The following SPOCK3 variants were observed in gnomAD, a reference collection of about 807,000 sequenced individuals.
SPOCK3 encodes the protein testican-3.
A neutral mutation model predicts 56.6 loss-of-function variants in SPOCK3; 30 were observed. The ratio of observed to expected loss-of-function variants is 0.53; its 90% confidence interval spans 0.40 to 0.72. The LOEUF (loss-of-function observed/expected upper bound fraction) is 0.72, where lower values mean the gene tolerates loss of function less well. Among genes scored for constraint, SPOCK3 ranks in the 30% least tolerant of loss-of-function variants. SPOCK3 has a pLI of 0.00. For synonymous variants in SPOCK3, 196 were observed against 183.3 expected (o/e 1.07, Z -0.56); for missense variants, 527 against 530.0 (o/e 0.99, Z 0.06).
At chr4:166,958,496 A>T (rs746354423) in intron 4 of SPOCK3, among the ~76,000 whole-genome samples, 1 of 152,214 alleles carries the variant, frequency 6.6e-6, no homozygotes, top group Non-Finnish European at 1.5e-5. Context: ...TTATTGCAAC[A>T]GCTTCCTCAC....
intron 7 of SPOCK3, among the ~76,000 whole-genome samples, chr4:166,787,356 A>G (rs13130502): frequency 6.6e-6 from 1 of 152,180 alleles, no homozygotes; most frequent in Admixed American, 6.6e-5. Context: ...ATGTTTGCAC[A>G]TAATATCACT....
intron 6 of SPOCK3, among the ~76,000 whole-genome samples, chr4:166,882,439 C>G (rs768376293): frequency 6.6e-6 from 1 of 152,248 alleles, no homozygotes; most frequent in Non-Finnish European, 1.5e-5. Context: ...TGTCGGGACC[C>G]AGTTCAAACC....
intron 4 of SPOCK3, among the ~76,000 whole-genome samples, chr4:166,975,289 A>C (rs1745821308): frequency 6.6e-6 from 1 of 152,234 alleles, no homozygotes; most frequent in African/African-American, 2.4e-5. Flanking sequence ...AATATAAGTC[A>C]TCATGCTATA....
chr4:166,809,729 C>A (rs1560882139), intron 6 of SPOCK3, among the ~76,000 whole-genome samples: 1 of 151,934 alleles, frequency 6.6e-6, no homozygotes, highest in Admixed American at 6.6e-5. Flanking sequence ...ATAAGCAGCC[C>A]CTGATAGCTG....
chr4:167,174,366 G>C (rs1193189934), intron 2 of SPOCK3, among the ~76,000 whole-genome samples: 1 of 151,258 alleles, frequency 6.6e-6, no homozygotes, highest in Non-Finnish European at 1.5e-5. Flanking sequence ...TACATTTTAT[G>C]TTTCAGGGAA....
chr4:167,098,928 C>T (rs1759399233), intron 2 of SPOCK3, among the ~76,000 whole-genome samples: 1 of 151,890 alleles, frequency 6.6e-6, no homozygotes, highest in African/African-American at 2.4e-5. Context: ...TGATGTATGG[C>T]TCCTTATCTA....
At chr4:167,119,678 A>C (rs1334065224) in intron 2 of SPOCK3, 2 of 686,892 alleles carry the variant, frequency 2.9e-6, no homozygotes, top group East Asian at 5.7e-5. Context: ...TGTTTGATGC[A>C]TATCAGAAAA....
intron 2 of SPOCK3, among the ~76,000 whole-genome samples, chr4:167,228,320 C>T (rs1736804176): frequency 6.6e-6 from 1 of 152,080 alleles, no homozygotes; most frequent in Admixed American, 6.6e-5. Context: ...TAATTTGTTT[C>T]TCTTACTTAC....
intron 3 of SPOCK3, among the ~76,000 whole-genome samples, chr4:167,018,435 TC>T (rs1246555678): frequency 6.6e-6 from 1 of 152,090 alleles, no homozygotes; most frequent in Non-Finnish European, 1.5e-5. Flanking sequence ...ATTCTTGTCT[TC>T]TTCCCATACC....
intron 2 of SPOCK3, among the ~76,000 whole-genome samples, chr4:167,097,488 T>C (rs984430706): frequency 2.0e-5 from 3 of 151,972 alleles, no homozygotes; most frequent in Admixed American, 1.3e-4. Context: ...TGGAGTCTTA[T>C]GGGTGTCATG....
chr4:166,792,246 C>T lies in SPOCK3; in HGVS notation c.633G>A (p.Arg211=). 1 of 1,613,782 alleles carries T rather than the reference C, an allele frequency of 6.2e-7. No individual in the cohort carries two copies. Residue 211 remains arginine (R), a synonymous_variant, in exon 7 of 11, where the codon CGG becomes CGA. Coordinates refer to ENST00000357545, the MANE Select transcript of SPOCK3 (RefSeq NM_001040159.2). ...TTTCATGAAGGGCCTTGAACCAGTC[C>T]CGCAATCTGTTTGCCACTTCCCTGA... ...LEFREVANRL[R]DWFKALHESG... is the part of the protein sequence containing the mutation.
At chr4:166,841,275 C>T (rs1351439695) in intron 6 of SPOCK3, among the ~76,000 whole-genome samples, 1 of 152,140 alleles carries the variant, frequency 6.6e-6, no homozygotes, top group East Asian at 1.9e-4. Flanking sequence ...TTTCTTCAAT[C>T]ATTTCCATTT....
At chr4:167,135,680 CGTGTGTGTGTGT>C (rs57918767) in intron 2 of SPOCK3, among the ~76,000 whole-genome samples, 47 of 147,760 alleles carry the variant, frequency 3.2e-4, no homozygotes, top group East Asian at 8.1e-4. Flanking sequence ...CTATATAAAA[CGTGTGTGTGTGT>C]GTGTGTGTGT....
intron 2 of SPOCK3, among the ~76,000 whole-genome samples, chr4:167,129,996 G>T (rs1328404623): frequency 1.3e-5 from 2 of 152,068 alleles, no homozygotes; most frequent in African/African-American, 4.8e-5. Context: ...TTCCAATTAT[G>T]TTTTCCAAAA....
chr4:166,791,261 T>A (rs563536096), intron 7 of SPOCK3, among the ~76,000 whole-genome samples: 2 of 152,236 alleles, frequency 1.3e-5, no homozygotes, highest in African/African-American at 4.8e-5. Context: ...GTGAAAAAAA[T>A]AAATAAGGCA....
At chr4:167,112,868 A>T (rs1416426197) in intron 2 of SPOCK3, among the ~76,000 whole-genome samples, 2 of 151,930 alleles carry the variant, frequency 1.3e-5, no homozygotes, top group African/African-American at 4.8e-5. Context: ...AATCATATAT[A>T]TTAGATGTGT....
intron 6 of SPOCK3, among the ~76,000 whole-genome samples, chr4:166,855,721 C>T (rs576169609): frequency 7.1e-4 from 108 of 152,244 alleles, no homozygotes; most frequent in Non-Finnish European, 1.3e-3. Context: ...CAGAATCACT[C>T]AGAGGGTAAT....
At chr4:167,014,880 C>T (rs1561121851) in intron 3 of SPOCK3, among the ~76,000 whole-genome samples, 1 of 151,978 alleles carries the variant, frequency 6.6e-6, no homozygotes, top group Non-Finnish European at 1.5e-5. Context: ...ACAAAAATGT[C>T]TCAAACTACC....
chr4:167,085,733 A>G (rs1166738573), intron 2 of SPOCK3, among the ~76,000 whole-genome samples: 1 of 152,110 alleles, frequency 6.6e-6, no homozygotes. Flanking sequence ...TTGGGGAAAT[A>G]CAGTCCATTT....
Sources: gnomAD v4.1 joint callset for allele counts (sites outside exome capture counted in the v4.1 genomes callset) on GRCh38, gnomAD v4.1.1 for gene constraint, MANE v1.5 for transcripts, NCBI Gene and HGNC (gene_info 2026-07-23, HGNC 2026-07-21) for gene names.